The following KCNG2 variants were observed in gnomAD, a reference collection of about 807,000 sequenced individuals.
KCNG2 encodes voltage-gated potassium channel regulatory subunit KCNG2.
KCNG2 carries 7 observed loss-of-function variants against 12.3 expected under a neutral mutation model. That is an observed-to-expected ratio of 0.57 (90% CI 0.32 to 1.07). The LOEUF is 1.07. Among genes scored for constraint, KCNG2 ranks in the 50% least tolerant of loss-of-function variants. KCNG2 has a pLI of 0.04. For missense variants in KCNG2, 703 were observed against 726.0 expected (o/e 0.97, Z 0.36); for synonymous variants, 414 against 351.4 (o/e 1.18, Z -1.99).
chr18:79,851,619 T>A (rs890468043), intron 1 of KCNG2, among the ~76,000 whole-genome samples: 1 of 76,040 alleles, frequency 1.3e-5, no homozygotes, highest in African/African-American at 3.3e-5. Flanking sequence ...TGTGTGAGAG[T>A]GTGTGTGTAT....
intron 1 of KCNG2, among the ~76,000 whole-genome samples, chr18:79,846,798 T>G (rs1978644402): frequency 6.6e-6 from 1 of 152,210 alleles, no homozygotes; most frequent in Non-Finnish European, 1.5e-5. Flanking sequence ...TTTTTCCAGT[T>G]GTCGCATGGC....
At chr18:79,844,969 G>A (rs1978575279) in intron 1 of KCNG2, among the ~76,000 whole-genome samples, 1 of 152,162 alleles carries the variant, frequency 6.6e-6, no homozygotes, top group Admixed American at 6.6e-5. Context: ...CAAACTGTGT[G>A]GAAATGCTTA....
chr18:79,872,270 C>A (rs1252222196), intron 3 of KCNG2, among the ~76,000 whole-genome samples: 10 of 116,204 alleles, frequency 8.6e-5, no homozygotes, highest in East Asian at 5.3e-4. Flanking sequence ...ATAAAAGCTT[C>A]AAAGCTTCAG....
chr18:79,802,347 G>A (rs747325281), intron 1 of KCNG2, among the ~76,000 whole-genome samples: 71 of 152,202 alleles, frequency 4.7e-4, no homozygotes, highest in Non-Finnish European at 8.1e-4. Context: ...TCTCCCAGCC[G>A]TGCCGCTCCG....
intron 3 of KCNG2, among the ~76,000 whole-genome samples, chr18:79,883,573 T>C (rs1289962147): frequency 2.0e-5 from 3 of 152,206 alleles, no homozygotes; most frequent in Admixed American, 2.0e-4. Context: ...ACCTTGGCTG[T>C]GGCCGTGACC....
In KCNG2 at chr18:79,874,967, G is replaced by T. The variant is rs140853891; in HGVS notation, c.624+10676G>T. ...CTCCAGGTATGTGACAGGCCCTGAG[G>T]AGACTGATGAGGCTCAGAAAGCCAC... On this transcript the variant is annotated intron_variant, in intron 3 of 3. Coordinates refer to ENST00000316249, the MANE Select transcript of KCNG2 (RefSeq NM_012283.2). Among the ~76,000 whole-genome samples, 286 of 152,276 alleles carry T rather than the reference G, an allele frequency of 1.9e-3. 1 individual carries two copies. The highest frequency in any genetic ancestry group is 6.6e-3 in the African/African-American group (275 of 41,566).
intron 3 of KCNG2, among the ~76,000 whole-genome samples, chr18:79,883,321 C>T (rs1189257119): frequency 6.6e-6 from 1 of 152,164 alleles, no homozygotes; most frequent in Non-Finnish European, 1.5e-5. Context: ...CTTTGCGCTG[C>T]GTTTTCGCGG....
At chr18:79,854,224 C>T (rs1404416341) in intron 1 of KCNG2, among the ~76,000 whole-genome samples, 2 of 152,224 alleles carry the variant, frequency 1.3e-5, no homozygotes, top group African/African-American at 4.8e-5. Flanking sequence ...CCTCACTGTC[C>T]CAGCCCCGTT....
At chr18:79,867,511 G>A (rs1265107697) in intron 3 of KCNG2, among the ~76,000 whole-genome samples, 6 of 108,352 alleles carry the variant, frequency 5.5e-5, no homozygotes, top group African/African-American at 2.1e-4. Flanking sequence ...TCGTGAGCCC[G>A]GCGTGTGTCG....
chr18:79,838,545 G>A (rs1978370139), intron 1 of KCNG2, among the ~76,000 whole-genome samples: 1 of 151,946 alleles, frequency 6.6e-6, no homozygotes, highest in Non-Finnish European at 1.5e-5. Context: ...TGAGTAGCTG[G>A]GACCAAAGGT....
At chr18:79,827,511 G>A (rs1331186413) in intron 1 of KCNG2, among the ~76,000 whole-genome samples, 1 of 152,174 alleles carries the variant, frequency 6.6e-6, no homozygotes, top group Non-Finnish European at 1.5e-5. Flanking sequence ...GTGGTGCTGG[G>A]AATTTTTAGG....
At chr18:79,838,944 C>A (rs1978379853) in intron 1 of KCNG2, among the ~76,000 whole-genome samples, 1 of 152,102 alleles carries the variant, frequency 6.6e-6, no homozygotes, top group Non-Finnish European at 1.5e-5. Context: ...TGGCGCTTAG[C>A]CCAGTAGAAC....
chr18:79,881,184 T>C (rs1238700158), intron 3 of KCNG2, among the ~76,000 whole-genome samples: 1 of 152,164 alleles, frequency 6.6e-6, no homozygotes, highest in Non-Finnish European at 1.5e-5. Flanking sequence ...CGCTGTCCAA[T>C]TGGAAAGCAA....
rs1980421435 is a variant in KCNG2 at position 79,884,015 on chromosome 18, C to G, written c.625-15025C>G. 6.6e-6 allele frequency among the ~76,000 whole-genome samples: 1 copy of G among 151,818 alleles called. No individual in the cohort carries two copies. Among genetic ancestry groups the G allele is most frequent in the African/African-American group, 2.4e-5 (1 of 41,330 alleles). ...TCCCCCGCCCCCGTCTAGCCAGTCC[C>G]CACGTCCTGACGTTTCTATCCCAAC... On this transcript the variant is annotated intron_variant, in intron 3 of 3. Coordinates refer to ENST00000316249, the MANE Select transcript of KCNG2 (RefSeq NM_012283.2). The surrounding 1 kb of genome is among the most constrained non-coding windows in gnomAD (Gnocchi z 5.5).
chr18:79,899,851 C>T lies in KCNG2; in HGVS notation c.*35C>T, dbSNP rs2123143974. 1.5e-6 allele frequency: 2 copies of T among 1,308,350 alleles called. No homozygotes were observed. The highest frequency in any genetic ancestry group is 4.4e-5 in the South Asian group (2 of 45,532). The allele number at this position is 1,308,350 out of a possible 1,614,324, so 81.0% of individuals were successfully genotyped here. A position where few individuals can be genotyped will look rare whatever the true frequency, so the allele number is the denominator to read the frequency against. On this transcript the variant is annotated 3_prime_UTR_variant, in exon 4 of 4. Transcript: ENST00000316249. ...CGCCCACACGGAGACCCCCTGCCCC[C>T]TCCAGCTGCAGCGTCGGGACCCCCG...
In KCNG2 at chr18:79,830,535, G is replaced by A. The variant is rs965828905; in HGVS notation, c.-114-25844G>A. ...TTCAAAGTAGGAAGGGTGATGGAATGTGGGGAAAGAAGCAAAGGAAGGGCC... is the reference window on the plus strand; with the variant it reads ...TTCAAAGTAGGAAGGGTGATGGAATATGGGGAAAGAAGCAAAGGAAGGGCC... On this transcript the variant is annotated intron_variant, in intron 1 of 3. Transcript: ENST00000316249. Among the ~76,000 whole-genome samples, 6 of 152,402 alleles carry A rather than the reference G, an allele frequency of 3.9e-5. No homozygotes were observed. In the East Asian group the frequency reaches 1.2e-3, roughly 29 times the overall value.
At chr18:79,846,868 G>A (rs1272194573) in intron 1 of KCNG2, among the ~76,000 whole-genome samples, 1 of 152,190 alleles carries the variant, frequency 6.6e-6, no homozygotes, top group Non-Finnish European at 1.5e-5. Context: ...GGCAAAGTGT[G>A]CATCTGGATG....
Position 79,899,144 on chromosome 18 carries a change from G to A in KCNG2, c.729G>A (p.Lys243=). ...TGCGCTCCCTGCAGGCCGAGAGCAA[G>A]TGCGCCTTCCTGCGCGCGCCACTCA... ...FLLRSLQAES[K]CAFLRAPLNI... The change falls in exon 4 of 4, where the codon AAG becomes AAA. Residue 243 remains lysine (K), a synonymous_variant. Transcript: ENST00000316249. 1 of 1,607,630 alleles carries A rather than the reference G, an allele frequency of 6.2e-7. No individual in the cohort carries two copies. Among genetic ancestry groups the A allele is most frequent in the East Asian group, 2.2e-5 (1 of 44,814 alleles).
intron 1 of KCNG2, among the ~76,000 whole-genome samples, chr18:79,855,651 G>A (rs1978983676): frequency 6.6e-6 from 1 of 151,960 alleles, no homozygotes; most frequent in Non-Finnish European, 1.5e-5. Context: ...TTCTGGTACT[G>A]GCTGGTGGGT....
Sources: allele counts gnomAD v4.1 joint callset (sites outside exome capture counted in the v4.1 genomes callset), GRCh38; gene constraint gnomAD v4.1.1; non-coding constraint Gnocchi (gnomAD v3.1); transcripts MANE v1.5; gene names NCBI Gene and HGNC (gene_info 2026-07-23, HGNC 2026-07-21).